The following KCNH8 variants were observed in gnomAD, a reference collection of about 807,000 sequenced individuals.
KCNH8 encodes voltage-gated delayed rectifier potassium channel KCNH8.
In KCNH8, 70 loss-of-function variants were observed where a neutral mutation model predicts 103.6. The ratio of observed to expected loss-of-function variants is 0.68; its 90% CI spans 0.56 to 0.82. KCNH8 has a LOEUF of 0.82. KCNH8 is among the 40% of genes least tolerant of loss of function. The pLI is 0.00. For missense variants in KCNH8, 1,217 were observed against 1,329.9 expected (o/e 0.92, Z 1.32); for synonymous variants, 498 against 489.4 (o/e 1.02, Z -0.23).
chr3:19,162,725 C>A (rs2063246256), intron 1 of KCNH8, among the ~76,000 whole-genome samples: 1 of 151,926 alleles, frequency 6.6e-6, no homozygotes. Context: ...AAATCTGGAA[C>A]AACATTACAA....
intron 11 of KCNH8, among the ~76,000 whole-genome samples, chr3:19,489,044 C>T (rs1389546340): frequency 1.3e-5 from 2 of 152,100 alleles, no homozygotes; most frequent in Non-Finnish European, 2.9e-5. Flanking sequence ...CCTCATTTAC[C>T]CCAGTAATAT....
At chr3:19,470,746 A>T (rs1308569540) in intron 11 of KCNH8, among the ~76,000 whole-genome samples, 1 of 152,132 alleles carries the variant, frequency 6.6e-6, no homozygotes, top group African/African-American at 2.4e-5. Flanking sequence ...CAAAGATAGA[A>T]ATTGTATGAA....
intron 5 of KCNH8, among the ~76,000 whole-genome samples, chr3:19,361,028 T>C (rs2065940308): frequency 6.6e-6 from 1 of 152,046 alleles, no homozygotes; most frequent in African/African-American, 2.4e-5. Flanking sequence ...CAAATTTCAG[T>C]CTATGAAAAT....
rs148643429 is a variant in KCNH8, at chr3:19,459,156, T to G, written c.2040+2174T>G. On this transcript the variant is annotated intron_variant, in intron 11 of 15. Transcript: ENST00000328405. ...ATCATATGGTACTTCTATTTTTAAT[T>G]TTTTTAAAGAACTTCCCTACTGTTT... 6.4e-4 allele frequency among the ~76,000 whole-genome samples: 97 copies of G among 152,142 alleles called. 2 individuals are homozygous for G. The East Asian group carries it at 6.9e-3, about 11-fold the overall frequency.
In KCNH8 at chr3:19,341,607, A is replaced by C. The variant is rs149855168; in HGVS notation, c.443-980A>C. Among the ~76,000 whole-genome samples, 1,377 of 152,288 alleles carry C rather than the reference A, an allele frequency of 9.0e-3. 25 individuals carry two copies. The highest frequency in any genetic ancestry group is 0.031 in the African/African-American group (1,298 of 41,580). On this transcript the variant is annotated intron_variant, in intron 3 of 15. Transcript: ENST00000328405. ...CCATTACTTTCGTATACAAAGAGCT[A>C]TTGCAAATAAATTTAAAAACACTAC... is the stretch of plus-strand genomic sequence containing the variant.
intron 8 of KCNH8, among the ~76,000 whole-genome samples, chr3:19,442,219 T>G (rs2067294326): frequency 6.6e-6 from 1 of 152,210 alleles, no homozygotes; most frequent in South Asian, 2.1e-4. Flanking sequence ...GCGTTATGAC[T>G]TTTATAATTT....
At chr3:19,476,780 T>A (rs2067986166) in intron 11 of KCNH8, among the ~76,000 whole-genome samples, 2 of 152,126 alleles carry the variant, frequency 1.3e-5, no homozygotes, top group South Asian at 2.1e-4. Context: ...GAGCCACGTA[T>A]TAGTAAATAA....
At chr3:19,342,787 G>T (rs1195974562) in intron 4 of KCNH8, 73 bp downstream of exon 4, 2 of 1,424,530 alleles carry the variant, frequency 1.4e-6, no homozygotes, top group Non-Finnish European at 1.9e-6. Context: ...CTAAAGAAAG[G>T]CCTCAATTAC....
intron 11 of KCNH8, among the ~76,000 whole-genome samples, chr3:19,470,425 C>G (rs2067831636): frequency 6.6e-6 from 1 of 152,184 alleles, no homozygotes; most frequent in Non-Finnish European, 1.5e-5. Context: ...TTTCCTGCAT[C>G]CAAATGGCAG....
At chr3:19,525,291 C>T (rs1407221236) in intron 15 of KCNH8, among the ~76,000 whole-genome samples, 1 of 151,854 alleles carries the variant, frequency 6.6e-6, no homozygotes, top group Non-Finnish European at 1.5e-5. Flanking sequence ...GCAGCACTGG[C>T]ATCAACTTGA....
At chr3:19,394,487 A>AAGAG (rs35675545) in intron 6 of KCNH8, among the ~76,000 whole-genome samples, 65 of 147,826 alleles carry the variant, frequency 4.4e-4, no homozygotes, top group African/African-American at 1.2e-3. Context: ...GAGAGAGAGA[A>AAGAG]AGAGAGAGAG....
intron 2 of KCNH8, among the ~76,000 whole-genome samples, chr3:19,276,968 A>C (rs1280033033): frequency 2.6e-5 from 4 of 152,308 alleles, no homozygotes; most frequent in South Asian, 2.1e-4. Context: ...AGTGCCCATC[A>C]AGGTATGGAT....
At chr3:19,230,778 AC>A (rs1382501630) in intron 1 of KCNH8, among the ~76,000 whole-genome samples, 1 of 152,232 alleles carries the variant, frequency 6.6e-6, no homozygotes, top group Non-Finnish European at 1.5e-5. Context: ...ATGAGTGTGT[AC>A]TTGTATATCT....
chr3:19,478,114 T>C (rs1015722060), intron 11 of KCNH8, among the ~76,000 whole-genome samples: 13 of 152,186 alleles, frequency 8.5e-5, no homozygotes, highest in African/African-American at 3.1e-4. Flanking sequence ...GGCCTAGTAG[T>C]ATTCCATGGT....
At chr3:19,433,499 A>G (rs970731820) in intron 7 of KCNH8, among the ~76,000 whole-genome samples, 2 of 152,216 alleles carry the variant, frequency 1.3e-5, no homozygotes, top group Non-Finnish European at 2.9e-5. Context: ...GCGAACCTAG[A>G]GATTATTCAA....
At chr3:19,188,061 C>CCCA (rs2063518723) in intron 1 of KCNH8, among the ~76,000 whole-genome samples, 1 of 152,018 alleles carries the variant, frequency 6.6e-6, no homozygotes, top group Non-Finnish European at 1.5e-5. Flanking sequence ...ATGTAATCAG[C>CCCA]CCACCACATG....
chr3:19,522,643 G>A (rs1482551239), intron 15 of KCNH8, among the ~76,000 whole-genome samples: 1 of 151,816 alleles, frequency 6.6e-6, no homozygotes, highest in Non-Finnish European at 1.5e-5. Flanking sequence ...ACCCAGTCAA[G>A]CTGGCATACA....
intron 7 of KCNH8, among the ~76,000 whole-genome samples, chr3:19,430,790 A>C (rs62276962): frequency 0.033 from 5,009 of 152,050 alleles, 179 homozygotes; most frequent in East Asian, 0.17. Context: ...CTGCTTGACC[A>C]TTGTTGATAT....
At chr3:19,300,725 T>C (rs2125289214) in intron 3 of KCNH8, among the ~76,000 whole-genome samples, 1 of 152,212 alleles carries the variant, frequency 6.6e-6, no homozygotes, top group Non-Finnish European at 1.5e-5. Flanking sequence ...AGGATATGAC[T>C]TTTGGTTGAT....
Sources: allele counts gnomAD v4.1 joint callset (sites outside exome capture counted in the v4.1 genomes callset), GRCh38; gene constraint gnomAD v4.1.1; transcripts MANE v1.5; gene names NCBI Gene and HGNC (gene_info 2026-07-23, HGNC 2026-07-21).